PDS5A: variants seen among roughly 807,000 people sequenced by gnomAD.
The protein encoded by PDS5A is PDS5 cohesin associated factor A.
A neutral mutation model predicts 167.1 loss-of-function variants in PDS5A; 42 were observed. The ratio of observed to expected loss-of-function variants is 0.25; its 90% CI spans 0.20 to 0.33. The LOEUF (loss-of-function observed/expected upper bound fraction) is 0.33. Among genes scored for constraint, PDS5A ranks in the 10% least tolerant of loss-of-function variants. The pLI, the probability that PDS5A is intolerant of heterozygous loss-of-function variation, is 1.00. For missense variants in PDS5A, 1,033 were observed against 1,605.9 expected (o/e 0.64, Z 6.10); for synonymous variants, 553 against 554.6 (o/e 1.00, Z 0.04).
chr4:39,886,061 T>G (rs57876194), intron 17 of PDS5A, among the ~76,000 whole-genome samples: 5,508 of 152,286 alleles, frequency 0.036, 322 homozygotes, highest in African/African-American at 0.12. Context: ...CCTACCACAA[T>G]TTATTGTAGA....
chr4:39,841,287 C>T (rs1316565970), intron 31 of PDS5A, among the ~76,000 whole-genome samples: 1 of 145,628 alleles, frequency 6.9e-6, no homozygotes, highest in Non-Finnish European at 1.5e-5. Context: ...TTACAGGCGC[C>T]TGCCACCACG....
intron 2 of PDS5A, among the ~76,000 whole-genome samples, chr4:39,958,966 CTGCCTGGAATGTTTTACCATTCATT>C (rs1310252330): frequency 1.3e-5 from 2 of 152,150 alleles, no homozygotes; most frequent in Non-Finnish European, 2.9e-5. Context: ...TGCCATTCAT[CTGCCTGGAATGTTTTACCATTCATT>C]TGCCTACCCA....
intron 2 of PDS5A, among the ~76,000 whole-genome samples, chr4:39,966,643 A>G (rs1729989703): frequency 6.6e-6 from 1 of 152,186 alleles, no homozygotes; most frequent in Admixed American, 6.6e-5. Flanking sequence ...AGACCAGGGT[A>G]GCTGTATTAA....
intron 2 of PDS5A, among the ~76,000 whole-genome samples, chr4:39,967,869 T>G (rs1041919751): frequency 1.3e-5 from 2 of 151,504 alleles, no homozygotes; most frequent in Admixed American, 6.6e-5. Context: ...TGAGCTGAGA[T>G]TGCGCCACTG....
intron 16 of PDS5A, among the ~76,000 whole-genome samples, chr4:39,896,543 G>C (rs2109638626): frequency 1.3e-5 from 2 of 151,870 alleles, no homozygotes; most frequent in East Asian, 3.9e-4. Context: ...GAGGCAGGTA[G>C]GTTTCTTCAG....
intron 11 of PDS5A, among the ~76,000 whole-genome samples, chr4:39,906,307 G>A (rs1247016543): frequency 1.3e-5 from 2 of 151,980 alleles, no homozygotes; most frequent in Non-Finnish European, 2.9e-5. Context: ...AGAGGAGGGT[G>A]CAGTGAGCTG....
intron 2 of PDS5A, among the ~76,000 whole-genome samples, chr4:39,954,187 AAAAC>A (rs1728682368): frequency 6.6e-6 from 1 of 151,452 alleles, no homozygotes; most frequent in Admixed American, 6.6e-5. Flanking sequence ...CGGAGAAAAA[AAAAC>A]AAACAAACAG....
intron 21 of PDS5A, among the ~76,000 whole-genome samples, chr4:39,870,080 G>A (rs867544963): frequency 1.8e-4 from 28 of 152,124 alleles, no homozygotes; most frequent in Middle Eastern, 3.4e-3. Flanking sequence ...CCTCACTCCA[G>A]GCTGGGCTAC....
intron 32 of PDS5A, among the ~76,000 whole-genome samples, chr4:39,832,511 A>T (rs1036560452): frequency 6.7e-6 from 1 of 150,184 alleles, no homozygotes. Context: ...CTGGCTCAAA[A>T]TTTTTTTTTT....
At chr4:39,922,333 A>T (rs1317519226) in intron 6 of PDS5A, among the ~76,000 whole-genome samples, 2 of 152,202 alleles carry the variant, frequency 1.3e-5, no homozygotes, top group Non-Finnish European at 2.9e-5. Context: ...GTTAACCAAA[A>T]GGCAACACCC....
chr4:39,965,465 G>A (rs1729887156), intron 2 of PDS5A, among the ~76,000 whole-genome samples: 1 of 152,134 alleles, frequency 6.6e-6, no homozygotes, highest in South Asian at 2.1e-4. Flanking sequence ...GAGACAATAA[G>A]AAAAGTTGCT....
chr4:39,842,959 G>C (rs1187393409), intron 30 of PDS5A, among the ~76,000 whole-genome samples: 1 of 91,254 alleles, frequency 1.1e-5, no homozygotes, highest in African/African-American at 5.2e-5. Context: ...AGGGTCTTAG[G>C]CTGAAATGAA....
At chr4:39,895,862 C>T (rs988044722) in intron 16 of PDS5A, among the ~76,000 whole-genome samples, 12 of 151,648 alleles carry the variant, frequency 7.9e-5, no homozygotes, top group Admixed American at 6.6e-4. Context: ...GGACTACAGG[C>T]GCCCGCCACC....
Position 39,896,162 on chromosome 4 carries a change from C to T in PDS5A, c.1770+2227G>A, listed in dbSNP as rs372261730. Among the ~76,000 whole-genome samples the T allele has an allele frequency of 8.0e-4, 121 of 151,844 alleles. 3 individuals carry two copies. The highest frequency in any genetic ancestry group is 7.2e-4 in the Non-Finnish European group (49 of 67,954). On this transcript the variant is annotated intron_variant, in intron 16 of 32. Coordinates refer to ENST00000303538, the MANE Select transcript of PDS5A (RefSeq NM_001100399.2). ...GGCTCAAGTGATCCTCCCATCTTGG[C>T]CTCTGGAGTAGTCAGGACTACAGGT...
rs755378977 is a variant in PDS5A, at chr4:39,898,375, T to C, written c.1770+14A>G. The C allele has an allele frequency of 6.5e-7, 1 of 1,537,380 alleles. No individual in the cohort carries two copies. Among genetic ancestry groups the C allele is most frequent in the East Asian group, 2.4e-5 (1 of 42,460 alleles). Reference sequence around the variant, plus strand: ...GTAAAGCTAGAGAAAAAGTGTGAAGTATGATTTACTAACCACACAAATATC... The same window carrying C: ...GTAAAGCTAGAGAAAAAGTGTGAAGCATGATTTACTAACCACACAAATATC... On this transcript the variant is annotated intron_variant, in intron 16 of 32. Transcript: ENST00000303538.
In PDS5A at chr4:39,920,129, C is replaced by CTT. The variant is rs1262197511; in HGVS notation, c.735+188_735+189dup. Reference sequence around the variant, plus strand: ...GGGATGGGAGTTGCAGACGACTTTTCTTATAGTAATATCCACCCTTTAAAA... The same window carrying CTT: ...GGGATGGGAGTTGCAGACGACTTTTCTTTTATAGTAATATCCACCCTTTAAAA... On this transcript the variant is annotated intron_variant, in intron 7 of 32. Transcript: ENST00000303538. Among the ~76,000 whole-genome samples, 11 of 152,162 alleles carry CTT rather than the reference C, an allele frequency of 7.2e-5. No individual in the cohort carries two copies. In the East Asian group the frequency reaches 2.1e-3, roughly 29 times the overall value.
chr4:39,939,697 T>C (rs1051382216), intron 2 of PDS5A, among the ~76,000 whole-genome samples: 1 of 151,952 alleles, frequency 6.6e-6, no homozygotes, highest in Non-Finnish European at 1.5e-5. Flanking sequence ...CTTGGGTCAC[T>C]GAAGCAGGAG....
At chr4:39,871,986 G>A (rs1366777538) in intron 21 of PDS5A, among the ~76,000 whole-genome samples, 4 of 152,028 alleles carry the variant, frequency 2.6e-5, no homozygotes, top group East Asian at 1.9e-4. Context: ...GATTACAGGC[G>A]TGAGCCACCA....
intron 27 of PDS5A, 57 bp from the exon 28 acceptor site, chr4:39,849,027 C>A: frequency 8.6e-7 from 1 of 1,166,342 alleles, no homozygotes; most frequent in South Asian, 1.4e-5. Flanking sequence ...ATCATAATTA[C>A]CAATTCCACT....
Sources: gnomAD v4.1 joint callset for allele counts (sites outside exome capture counted in the v4.1 genomes callset) on GRCh38, gnomAD v4.1.1 for gene constraint, MANE v1.5 for transcripts, NCBI Gene and HGNC (gene_info 2026-07-23, HGNC 2026-07-21) for gene names.